The following SAMD8 variants were observed in gnomAD, a reference collection of about 807,000 sequenced individuals.
SAMD8 encodes sphingomyelin synthase-related protein 1.
Under a neutral mutation model 42.0 loss-of-function variants are expected in SAMD8, and 20 were observed. The ratio of observed to expected loss-of-function variants is 0.48; its 90% CI spans 0.34 to 0.69. The LOEUF (loss-of-function observed/expected upper bound fraction) is 0.69. Ranked by LOEUF, SAMD8 falls within the 30% of genes least tolerant of loss-of-function variation. The pLI is 0.01. For synonymous variants in SAMD8, 162 were observed against 173.0 expected, an observed-to-expected ratio of 0.94 and a Z score of 0.50; for missense variants, 328 against 511.6, an observed-to-expected ratio of 0.64 and a Z score of 3.46.
rs886142021 is a variant in SAMD8, at chr10:75,104,394, GCA to G, written c.-16+4669_-16+4670del. On this transcript the variant is annotated intron_variant, in intron 1 of 3. Transcript: ENST00000447533. ...TGCATAACTCCTGGGGCCTCCAGTT[GCA>G]CAGTTTGGTGGATGACACCTCCATG... Among the ~76,000 whole-genome samples, 5 of 152,254 alleles carry G rather than the reference GCA, an allele frequency of 3.3e-5. No homozygotes were observed. In the East Asian group the frequency reaches 9.7e-4, roughly 29 times the overall value.
At chr10:75,126,958 C>A (rs138221987) in intron 1 of SAMD8, among the ~76,000 whole-genome samples, 1 of 151,988 alleles carries the variant, frequency 6.6e-6, no homozygotes, top group Non-Finnish European at 1.5e-5. Context: ...GAAGCCGAGG[C>A]GGGTAGATCA....
At chr10:75,136,831 A>G (rs1356961419) in intron 1 of SAMD8, among the ~76,000 whole-genome samples, 1 of 152,252 alleles carries the variant, frequency 6.6e-6, no homozygotes, top group East Asian at 1.9e-4. Context: ...GATGTTCCAC[A>G]TGGCTAATCA....
chr10:75,141,236 C>A (rs1199211489), intron 1 of SAMD8, among the ~76,000 whole-genome samples: 1 of 151,882 alleles, frequency 6.6e-6, no homozygotes, highest in African/African-American at 2.4e-5. Context: ...CACCTGTGGT[C>A]CCAGCTACTT....
At chr10:75,140,509 G>C (rs58224873) in intron 1 of SAMD8, among the ~76,000 whole-genome samples, 1 of 152,196 alleles carries the variant, frequency 6.6e-6, no homozygotes, top group African/African-American at 2.4e-5. Context: ...TGGTGACTAA[G>C]AAAGGGAGAT....
chr10:75,160,442 G>A (rs1840532519), intron 2 of SAMD8, among the ~76,000 whole-genome samples: 1 of 151,504 alleles, frequency 6.6e-6, no homozygotes, highest in East Asian at 1.9e-4. Flanking sequence ...TCCTGTCCTT[G>A]TGATCCGCCC....
At chr10:75,152,209 G>T (rs879302866) in intron 2 of SAMD8, among the ~76,000 whole-genome samples, 3 of 151,758 alleles carry the variant, frequency 2.0e-5, no homozygotes, top group Non-Finnish European at 1.5e-5. Context: ...AAAAAATGTA[G>T]TATATGTGTA....
chr10:75,146,714 T>C (rs1195276997), intron 1 of SAMD8, among the ~76,000 whole-genome samples: 1 of 152,224 alleles, frequency 6.6e-6, no homozygotes, highest in Admixed American at 6.5e-5. Flanking sequence ...TTTGTATTAA[T>C]TATTGATAAA....
chr10:75,163,205 G>A (rs531711115), intron 2 of SAMD8, among the ~76,000 whole-genome samples: 5 of 152,292 alleles, frequency 3.3e-5, no homozygotes, highest in South Asian at 2.1e-4. Flanking sequence ...GATTATAGGC[G>A]TGAGCCACCG....
chr10:75,140,475 C>T (rs75906512), intron 1 of SAMD8, among the ~76,000 whole-genome samples: 1 of 152,172 alleles, frequency 6.6e-6, no homozygotes, highest in Non-Finnish European at 1.5e-5. Flanking sequence ...TGTAATCCCA[C>T]CTAATCATGG....
At chr10:75,133,307 G>T (rs1465236110) in intron 1 of SAMD8, among the ~76,000 whole-genome samples, 1 of 152,122 alleles carries the variant, frequency 6.6e-6, no homozygotes, top group Non-Finnish European at 1.5e-5. Flanking sequence ...GGAGGCTGAG[G>T]TGGGAGAATT....
At chr10:75,138,962 T>C (rs1031948084) in intron 1 of SAMD8, among the ~76,000 whole-genome samples, 45 of 96,174 alleles carry the variant, frequency 4.7e-4, no homozygotes, top group Non-Finnish European at 8.5e-4. Flanking sequence ...TTTTTTCTTT[T>C]TTTTTTTTTT....
chr10:75,129,862 T>C (rs1159973823), intron 1 of SAMD8, among the ~76,000 whole-genome samples: 1 of 152,272 alleles, frequency 6.6e-6, no homozygotes, highest in Non-Finnish European at 1.5e-5. Flanking sequence ...TACAAAGAAC[T>C]ACCCTGAACT....
intron 4 of SAMD8, among the ~76,000 whole-genome samples, chr10:75,173,224 C>T (rs1347849202): frequency 6.6e-6 from 1 of 152,018 alleles, no homozygotes; most frequent in Non-Finnish European, 1.5e-5. Flanking sequence ...ACTTATTGAC[C>T]CGTATTATTT....
At chr10:75,149,685 A>G (rs986986502) in intron 1 of SAMD8, among the ~76,000 whole-genome samples, 4 of 152,188 alleles carry the variant, frequency 2.6e-5, no homozygotes, top group African/African-American at 7.2e-5. Context: ...TACGTTTTCC[A>G]TGAACATGGA....
intron 1 of SAMD8, among the ~76,000 whole-genome samples, chr10:75,132,880 T>C (rs1849304683): frequency 6.6e-6 from 1 of 151,982 alleles, no homozygotes; most frequent in South Asian, 2.1e-4. Flanking sequence ...TCCCAGCTAC[T>C]CAGGAAGCTG....
chr10:75,104,815 G>C (rs1040011444), intron 1 of SAMD8, among the ~76,000 whole-genome samples: 1 of 152,072 alleles, frequency 6.6e-6, no homozygotes, highest in African/African-American at 2.4e-5. Context: ...CACAGGGGAA[G>C]GGGTCGATGC....
chr10:75,134,137 A>T (rs1261758753), intron 1 of SAMD8, among the ~76,000 whole-genome samples: 5 of 152,104 alleles, frequency 3.3e-5, no homozygotes, highest in African/African-American at 1.2e-4. Flanking sequence ...GAACAGTGAG[A>T]GCACATGTAC....
chr10:75,123,198 C>T (rs1849047376), intron 1 of SAMD8, among the ~76,000 whole-genome samples: 2 of 128,026 alleles, frequency 1.6e-5, no homozygotes, highest in African/African-American at 6.0e-5. Flanking sequence ...CACCCCACCC[C>T]ACCCCACCCC....
At chr10:75,105,164 A>G (rs1173825871) in intron 1 of SAMD8, among the ~76,000 whole-genome samples, 2 of 152,054 alleles carry the variant, frequency 1.3e-5, no homozygotes, top group African/African-American at 2.4e-5. Flanking sequence ...CTAAGCCTGG[A>G]AAGTTTTCTC....
Sources: gnomAD v4.1 joint callset for allele counts (sites outside exome capture counted in the v4.1 genomes callset) on GRCh38, gnomAD v4.1.1 for gene constraint, MANE v1.5 for transcripts, NCBI Gene and HGNC (gene_info 2026-07-23, HGNC 2026-07-21) for gene names.